Variants in FERMT2 observed in about 807,000 individuals in gnomAD.
FERMT2 encodes the protein fermitin family homolog 2.
Under a neutral mutation model 82.7 loss-of-function variants are expected in FERMT2, and 15 were observed. That is an observed-to-expected ratio of 0.18 (90% CI 0.12 to 0.28). The LOEUF is 0.28. Ranked by LOEUF, FERMT2 falls within the 10% of genes least tolerant of loss-of-function variation. FERMT2 has a pLI of 1.00. For synonymous variants in FERMT2, 274 were observed against 271.5 expected, an observed-to-expected ratio of 1.01 and a Z score of -0.09; for missense variants, 645 against 809.4, an observed-to-expected ratio of 0.80 and a Z score of 2.46.
At chr14:52,873,168 C>T (rs182807038) in intron 9 of FERMT2, among the ~76,000 whole-genome samples, 63 of 152,268 alleles carry the variant, frequency 4.1e-4, no homozygotes, top group African/African-American at 1.5e-3. Context: ...GGCCTGTGTT[C>T]CAGTATTCTG....
In FERMT2 at chr14:52,890,148, G is replaced by A. The variant is rs12101180; in HGVS notation, c.526+3145C>T. On this transcript the variant is annotated intron_variant, in intron 4 of 14. Transcript: ENST00000341590. ...AAAAAAAAAAAATACATAAAATAAAGAAGGCTGGGTGCGGTGGCTCACGCC... is the reference window on the plus strand; with the variant it reads ...AAAAAAAAAAAATACATAAAATAAAAAAGGCTGGGTGCGGTGGCTCACGCC... Among the ~76,000 whole-genome samples, 831 of 149,022 alleles carry A rather than the reference G, an allele frequency of 5.6e-3. 8 individuals are homozygous for A. Among genetic ancestry groups the A allele is most frequent in the African/African-American group, 0.02 (792 of 40,464 alleles).
intron 2 of FERMT2, among the ~76,000 whole-genome samples, chr14:52,945,292 C>T (rs919999557): frequency 6.6e-6 from 1 of 151,854 alleles, no homozygotes; most frequent in African/African-American, 2.4e-5. Flanking sequence ...CGCTCATCAC[C>T]CAGGCTGGAG....
chr14:52,881,671 A>G, intron 4 of FERMT2: 4 of 940,532 alleles, frequency 4.3e-6, no homozygotes, highest in Non-Finnish European at 6.2e-6. Flanking sequence ...ATAAAGCCTT[A>G]AGAATATAAT....
chr14:52,897,907 C>T (rs1254461050), intron 3 of FERMT2, among the ~76,000 whole-genome samples: 1 of 129,950 alleles, frequency 7.7e-6, no homozygotes, highest in Non-Finnish European at 1.6e-5. Flanking sequence ...ACCCAAGAGG[C>T]GGAGGTTGCA....
intron 3 of FERMT2, among the ~76,000 whole-genome samples, chr14:52,915,472 C>T (rs866979775): frequency 1.3e-5 from 2 of 152,168 alleles, no homozygotes; most frequent in Non-Finnish European, 2.9e-5. Flanking sequence ...AACAGATCCA[C>T]ACAACATGGA....
intron 3 of FERMT2, among the ~76,000 whole-genome samples, chr14:52,905,441 A>C (rs1201935604): frequency 1.3e-5 from 2 of 152,150 alleles, no homozygotes; most frequent in African/African-American, 4.8e-5. Flanking sequence ...AATTTCAAAA[A>C]TCTTTCTGCT....
intron 3 of FERMT2, among the ~76,000 whole-genome samples, chr14:52,916,941 AT>A (rs1888648564): frequency 6.6e-6 from 1 of 152,258 alleles, no homozygotes; most frequent in African/African-American, 2.4e-5. Flanking sequence ...TTAAAAACAT[AT>A]TTAGCTTTGT....
intron 2 of FERMT2, chr14:52,927,959 G>A: frequency 2.9e-6 from 1 of 347,234 alleles, no homozygotes; most frequent in Non-Finnish European, 5.9e-6. Flanking sequence ...AATGTTGTCA[G>A]ACTAAAGAGA....
intron 12 of FERMT2, among the ~76,000 whole-genome samples, chr14:52,862,356 T>C (rs1211151806): frequency 1.3e-5 from 2 of 151,910 alleles, no homozygotes; most frequent in Non-Finnish European, 2.9e-5. Flanking sequence ...TGAGCCACTG[T>C]GCCTGGCCAA....
intron 2 of FERMT2, among the ~76,000 whole-genome samples, chr14:52,938,050 G>T (rs748792322): frequency 6.6e-6 from 1 of 152,142 alleles, no homozygotes; most frequent in Non-Finnish European, 1.5e-5. Context: ...TGTTTATAAG[G>T]ACACTAAGTT....
chr14:52,895,026 C>A (rs1887180314), intron 3 of FERMT2, among the ~76,000 whole-genome samples: 1 of 152,056 alleles, frequency 6.6e-6, no homozygotes, highest in Non-Finnish European at 1.5e-5. Context: ...ATAAAAAGAG[C>A]CCTAACAACT....
intron 11 of FERMT2, 43 bp from the exon 12 acceptor site, chr14:52,864,665 G>A (rs1885163759): frequency 6.3e-7 from 1 of 1,582,614 alleles, no homozygotes; most frequent in East Asian, 2.2e-5. Flanking sequence ...ATCACGAGGT[G>A]GGTCTTTCAA....
In FERMT2 at chr14:52,860,484, C is replaced by A. The variant is rs750202366; in HGVS notation, c.1603-19G>T. The A allele has an allele frequency of 6.2e-7, 1 of 1,600,680 alleles. No individual in the cohort carries two copies. The highest frequency in any genetic ancestry group is 1.1e-5 in the South Asian group (1 of 89,022). On this transcript the variant is annotated intron_variant, in intron 12 of 14. Coordinates refer to ENST00000341590, the MANE Select transcript of FERMT2 (RefSeq NM_006832.3). ...CTGTTATCTAAACATGAGTAAACAT[C>A]ACCTTTACCATTGAACATTATTCTC...
At chr14:52,920,367 A>C (rs1161675946) in intron 2 of FERMT2, among the ~76,000 whole-genome samples, 1 of 152,300 alleles carries the variant, frequency 6.6e-6, no homozygotes, top group Non-Finnish European at 1.5e-5. Flanking sequence ...GTGGTGGCTC[A>C]TGCCTGTAAT....
At chr14:52,899,021 T>C (rs1887463503) in intron 3 of FERMT2, among the ~76,000 whole-genome samples, 2 of 152,222 alleles carry the variant, frequency 1.3e-5, no homozygotes, top group Admixed American at 1.3e-4. Context: ...ATTTTCTGTC[T>C]GGCTCACAAA....
chr14:52,936,537 G>A (rs1026129832), intron 2 of FERMT2, among the ~76,000 whole-genome samples: 8 of 152,134 alleles, frequency 5.3e-5, no homozygotes, highest in South Asian at 2.1e-4. Context: ...TGAGCCTCAC[G>A]TCAAGCCACT....
Position 52,874,233 on chromosome 14 carries a change from G to A in FERMT2, c.1099-7C>T, listed in dbSNP as rs1220092659. ...GAATGGAAGTAATGTCACCCTAGGAGAGAGTTAAATCCTTTTTTAATTTTT... is the reference window on the plus strand; with the variant it reads ...GAATGGAAGTAATGTCACCCTAGGAAAGAGTTAAATCCTTTTTTAATTTTT... On this transcript the variant is annotated splice_polypyrimidine_tract_variant and splice_region_variant and intron_variant, in intron 8 of 14. Coordinates refer to ENST00000341590, the MANE Select transcript of FERMT2 (RefSeq NM_006832.3). The A allele has an allele frequency of 2.5e-6, 4 of 1,570,780 alleles. No homozygotes were observed. Among genetic ancestry groups the A allele is most frequent in the African/African-American group, 2.7e-5 (2 of 73,134 alleles).
intron 6 of FERMT2, 78 bp downstream of exon 6, chr14:52,880,958 G>A (rs1886258558): frequency 2.3e-6 from 2 of 870,174 alleles, no homozygotes; most frequent in South Asian, 3.5e-5. Context: ...TTATTCCACC[G>A]ACTTCCAAAA....
intron 2 of FERMT2, among the ~76,000 whole-genome samples, chr14:52,925,061 A>G (rs1020767931): frequency 6.6e-6 from 1 of 152,176 alleles, no homozygotes; most frequent in African/African-American, 2.4e-5. Flanking sequence ...CACACTACCT[A>G]TCTTATTTTG....
Sources: allele counts gnomAD v4.1 joint callset (sites outside exome capture counted in the v4.1 genomes callset), GRCh38; gene constraint gnomAD v4.1.1; transcripts MANE v1.5; gene names NCBI Gene and HGNC (gene_info 2026-07-23, HGNC 2026-07-21).